SPOCK3: variants seen among roughly 807,000 people sequenced by gnomAD.
SPOCK3 encodes SPARC (osteonectin), cwcv and kazal like domains proteoglycan 3.
A neutral mutation model predicts 56.6 loss-of-function variants in SPOCK3; 30 were observed. The observed-to-expected ratio is 0.53, with a 90% CI of 0.40 to 0.72. The LOEUF (loss-of-function observed/expected upper bound fraction) is 0.72, where lower values mean the gene tolerates loss of function less well. SPOCK3 is among the 30% of genes least tolerant of loss of function. SPOCK3 has a pLI of 0.00. For synonymous variants in SPOCK3, 196 were observed against 183.3 expected, an observed-to-expected ratio of 1.07 and a Z score of -0.56; for missense variants, 527 against 530.0, an observed-to-expected ratio of 0.99 and a Z score of 0.06.
intron 5 of SPOCK3, among the ~76,000 whole-genome samples, chr4:166,899,091 G>A (rs562810767): frequency 1.3e-5 from 2 of 151,988 alleles, no homozygotes; most frequent in South Asian, 4.1e-4. Flanking sequence ...TCACATCTGG[G>A]ACTTAACCAT....
chr4:167,011,467 A>C (rs1313940314), intron 3 of SPOCK3, among the ~76,000 whole-genome samples: 1 of 152,106 alleles, frequency 6.6e-6, no homozygotes, highest in Non-Finnish European at 1.5e-5. Flanking sequence ...CCAAAATTCA[A>C]ATCTTTGTTA....
At chr4:167,215,432 T>C (rs1434732271) in intron 2 of SPOCK3, among the ~76,000 whole-genome samples, 1 of 151,946 alleles carries the variant, frequency 6.6e-6, no homozygotes, top group East Asian at 1.9e-4. Context: ...CATGTGACTA[T>C]AGTAATCATG....
Position 166,854,796 on chromosome 4 carries a change from C to G in SPOCK3, c.589+34334G>C, listed in dbSNP as rs12331719. Among the ~76,000 whole-genome samples the G allele has an allele frequency of 5.3e-3, 802 of 152,178 alleles. 11 individuals carry two copies. Among genetic ancestry groups the G allele is most frequent in the African/African-American group, 0.019 (769 of 41,514 alleles). On this transcript the variant is annotated intron_variant, in intron 6 of 10. Transcript: ENST00000357545. Reference sequence around the variant, plus strand: ...GCTGTTGACAAAACTCACACACACACAAAAATACATACAATCCCTGAGCAG... The same window carrying G: ...GCTGTTGACAAAACTCACACACACAGAAAAATACATACAATCCCTGAGCAG...
At chr4:167,205,078 T>C (rs1164308945) in intron 2 of SPOCK3, among the ~76,000 whole-genome samples, 1 of 133,890 alleles carries the variant, frequency 7.5e-6, no homozygotes, top group Non-Finnish European at 1.5e-5. Context: ...CCCACCACCG[T>C]GCCCCAATGG....
intron 6 of SPOCK3, among the ~76,000 whole-genome samples, chr4:166,859,111 A>G (rs554831022): frequency 1.8e-4 from 28 of 152,316 alleles, no homozygotes; most frequent in Admixed American, 9.8e-4. Flanking sequence ...TATTCAGTGC[A>G]GTTACCATGC....
intron 4 of SPOCK3, among the ~76,000 whole-genome samples, chr4:166,994,975 G>T (rs1189870635): frequency 6.6e-6 from 1 of 152,020 alleles, no homozygotes; most frequent in African/African-American, 2.4e-5. Flanking sequence ...TAGGGTGGTG[G>T]TAAGATAAGT....
At chr4:166,737,696 G>T (rs1391675560) in intron 9 of SPOCK3, 92 bp from the exon 10 acceptor site, 8 of 1,364,264 alleles carry the variant, frequency 5.9e-6, no homozygotes, top group Non-Finnish European at 8.0e-6. Flanking sequence ...ATGCATTAAT[G>T]CATTAAAGAC....
intron 3 of SPOCK3, among the ~76,000 whole-genome samples, chr4:167,036,357 C>A (rs1384388097): frequency 6.6e-6 from 1 of 152,104 alleles, no homozygotes; most frequent in Non-Finnish European, 1.5e-5. Flanking sequence ...CATGGATGTT[C>A]TTTTTTTCCT....
At chr4:167,161,125 A>T (rs963317389) in intron 2 of SPOCK3, among the ~76,000 whole-genome samples, 4 of 152,188 alleles carry the variant, frequency 2.6e-5, no homozygotes, top group Admixed American at 2.0e-4. Flanking sequence ...AATGGGAGAT[A>T]ATTTTTGCAA....
intron 2 of SPOCK3, among the ~76,000 whole-genome samples, chr4:167,171,787 C>T (rs1206730511): frequency 1.3e-5 from 2 of 151,874 alleles, no homozygotes; most frequent in African/African-American, 2.4e-5. Flanking sequence ...TCTTATTAGG[C>T]ATCACTATCA....
chr4:166,777,851 A>G (rs1475899053), intron 7 of SPOCK3, among the ~76,000 whole-genome samples: 1 of 152,200 alleles, frequency 6.6e-6, no homozygotes, highest in Non-Finnish European at 1.5e-5. Context: ...AACCATTTCA[A>G]CTAGAAAGTG....
At chr4:166,914,074 A>AC (rs1554000524) in intron 4 of SPOCK3, among the ~76,000 whole-genome samples, 1 of 152,134 alleles carries the variant, frequency 6.6e-6, no homozygotes, top group African/African-American at 2.4e-5. Flanking sequence ...TTAAAAAAAA[A>AC]AAACCATTCT....
chr4:166,948,190 G>A (rs1742023932), intron 4 of SPOCK3, among the ~76,000 whole-genome samples: 1 of 151,990 alleles, frequency 6.6e-6, no homozygotes, highest in South Asian at 2.1e-4. Flanking sequence ...GCAAATGACA[G>A]GACGTTTTTA....
chr4:167,160,785 T>TG (rs1478104291), intron 2 of SPOCK3, among the ~76,000 whole-genome samples: 4 of 152,004 alleles, frequency 2.6e-5, no homozygotes, highest in Non-Finnish European at 4.4e-5. Flanking sequence ...AAACAAGAAA[T>TG]GGGAAAGGAC....
chr4:166,800,462 T>C (rs1742461711), intron 6 of SPOCK3, among the ~76,000 whole-genome samples: 1 of 152,048 alleles, frequency 6.6e-6, no homozygotes, highest in South Asian at 2.1e-4. Flanking sequence ...GCTCTATGCC[T>C]GTCAATGCCC....
chr4:166,767,815 T>A (rs76024444), intron 7 of SPOCK3, among the ~76,000 whole-genome samples: 3 of 152,180 alleles, frequency 2.0e-5, no homozygotes, highest in African/African-American at 7.2e-5. Flanking sequence ...TATTATTGTG[T>A]GGGAGTCTAA....
At chr4:167,109,487 T>TATATTTATATATTTTATATAAAATATA (rs1413180575) in intron 2 of SPOCK3, among the ~76,000 whole-genome samples, 1,402 of 115,354 alleles carry the variant, frequency 0.012, 18 homozygotes, top group Middle Eastern at 0.024. Context: ...TTATATAAAA[T>TATATTTATATATTTTATATAAAATATA]ATATTTATAT....
intron 4 of SPOCK3, among the ~76,000 whole-genome samples, chr4:166,918,749 G>GT (rs2149971509): frequency 6.6e-6 from 1 of 152,208 alleles, no homozygotes; most frequent in South Asian, 2.1e-4. Context: ...CAGTTTGCAT[G>GT]TTTTTTCCCT....
chr4:166,883,864 A>C (rs190132461), intron 6 of SPOCK3, among the ~76,000 whole-genome samples: 5 of 152,234 alleles, frequency 3.3e-5, no homozygotes, highest in Non-Finnish European at 5.9e-5. Context: ...TCACAAAATT[A>C]TAACCGCTAA....
Sources: gnomAD v4.1 joint callset for allele counts (sites outside exome capture counted in the v4.1 genomes callset) on GRCh38, gnomAD v4.1.1 for gene constraint, MANE v1.5 for transcripts, NCBI Gene and HGNC (gene_info 2026-07-23, HGNC 2026-07-21) for gene names.